The following EYS variants were observed in gnomAD, a reference collection of about 807,000 sequenced individuals.
The protein encoded by EYS is protein eyes shut homolog.
Under a neutral mutation model 282.1 loss-of-function variants are expected in EYS, and 250 were observed. That is an observed-to-expected ratio of 0.89 (90% confidence interval 0.80 to 0.98). EYS has a LOEUF of 0.98. EYS is among the 50% of genes least tolerant of loss of function. The probability of loss-of-function intolerance (pLI) is 0.00; values close to 1 mark genes in which losing one functional copy is unlikely to be tolerated. For missense variants in EYS, 4,016 were observed against 3,709.0 expected, an observed-to-expected ratio of 1.08 and a Z score of -2.15; for synonymous variants, 1,355 against 1,282.9, an observed-to-expected ratio of 1.06 and a Z score of -1.20.
chr6:65,575,811 A>C (rs1364695159), intron 2 of EYS, among the ~76,000 whole-genome samples: 1 of 152,130 alleles, frequency 6.6e-6, no homozygotes, highest in Non-Finnish European at 1.5e-5. Context: ...CACTTTAAAC[A>C]ATTATACACC....
intron 36 of EYS, among the ~76,000 whole-genome samples, chr6:63,820,450 T>C (rs1771293032): frequency 6.6e-6 from 1 of 152,218 alleles, no homozygotes; most frequent in Non-Finnish European, 1.5e-5. Flanking sequence ...TTCAATAGTT[T>C]TAAAAAAATT....
chr6:63,728,226 C>T (rs1413853311), intron 41 of EYS, among the ~76,000 whole-genome samples: 1 of 151,932 alleles, frequency 6.6e-6, no homozygotes, highest in Non-Finnish European at 1.5e-5. Context: ...GTACATGTAG[C>T]CAGACTTTAA....
chr6:65,656,012 T>G (rs1382075123), intron 1 of EYS, among the ~76,000 whole-genome samples: 2 of 151,828 alleles, frequency 1.3e-5, no homozygotes, highest in African/African-American at 4.8e-5. Context: ...ATTTCAGACG[T>G]TTTCATTATT....
chr6:65,538,386 A>G (rs1264058699), intron 2 of EYS, among the ~76,000 whole-genome samples: 5 of 152,170 alleles, frequency 3.3e-5, no homozygotes, highest in Non-Finnish European at 7.4e-5. Flanking sequence ...TATCATACTT[A>G]TGCACAGAAA....
intron 26 of EYS, among the ~76,000 whole-genome samples, chr6:64,580,643 G>T (rs1320619509): frequency 6.6e-6 from 1 of 152,014 alleles, no homozygotes; most frequent in East Asian, 1.9e-4. Flanking sequence ...TCATAAAAAA[G>T]AATAACTCTT....
intron 28 of EYS, among the ~76,000 whole-genome samples, chr6:64,430,418 A>C (rs1774538899): frequency 6.6e-6 from 1 of 152,184 alleles, no homozygotes; most frequent in Non-Finnish European, 1.5e-5. Flanking sequence ...ATGTAATCTG[A>C]CATGCTAAGC....
intron 31 of EYS, among the ~76,000 whole-genome samples, chr6:64,162,524 A>G (rs1169961564): frequency 6.6e-6 from 1 of 152,128 alleles, no homozygotes; most frequent in African/African-American, 2.4e-5. Context: ...AATATCTGGC[A>G]TTATCCCTCT....
chr6:65,096,941 A>G (rs990166097), intron 12 of EYS, among the ~76,000 whole-genome samples: 5 of 150,970 alleles, frequency 3.3e-5, no homozygotes, highest in African/African-American at 1.2e-4. Context: ...GGCCCTATCA[A>G]CATTTCTTGG....
intron 2 of EYS, among the ~76,000 whole-genome samples, chr6:65,498,824 G>A (rs1204142824): frequency 6.6e-6 from 1 of 152,064 alleles, no homozygotes; most frequent in Admixed American, 6.6e-5. Flanking sequence ...ATGTGTCTCA[G>A]TTTTTCATTT....
chr6:65,581,659 C>T (rs114839250), intron 2 of EYS, among the ~76,000 whole-genome samples: 2,071 of 152,088 alleles, frequency 0.014, 35 homozygotes, highest in African/African-American at 0.034. Flanking sequence ...TAACCAAAAT[C>T]CTTGTAATAC....
chr6:65,676,831 A>G (rs1768619020), intron 1 of EYS, among the ~76,000 whole-genome samples: 1 of 151,814 alleles, frequency 6.6e-6, no homozygotes, highest in Non-Finnish European at 1.5e-5. Flanking sequence ...CAAATTCAGT[A>G]GTATCTTAAT....
intron 31 of EYS, among the ~76,000 whole-genome samples, chr6:64,202,718 G>A (rs1765497307): frequency 6.6e-6 from 1 of 152,166 alleles, no homozygotes. Context: ...CATCCTCCAT[G>A]AGAGTAGGCC....
chr6:64,459,548 C>T (rs1454487852), intron 26 of EYS, among the ~76,000 whole-genome samples: 1 of 152,288 alleles, frequency 6.6e-6, no homozygotes, highest in Non-Finnish European at 1.5e-5. Context: ...AGTCCCCAAA[C>T]CACAAAAGTA....
rs1770717237 is a variant in EYS, at chr6:63,799,009, A to ATATATATATG, written c.7411+7180_7411+7181insCATATATATA. On this transcript the variant is annotated intron_variant, in intron 37 of 42. Coordinates refer to ENST00000503581, the MANE Select transcript of EYS (RefSeq NM_001142800.2). ...TGTGTATATATATATATATATATAT[A>ATATATATATG]TATATATATATAATTTTTTTTTTTG... 3.8e-5 allele frequency among the ~76,000 whole-genome samples: 5 copies of ATATATATATG among 131,962 alleles called. No homozygotes were observed. In the Admixed American group the frequency reaches 3.8e-4, roughly 10 times the overall value. The allele number at this position is 131,962 out of a possible 152,430, so 86.6% of individuals were successfully genotyped here.
intron 35 of EYS, among the ~76,000 whole-genome samples, chr6:63,929,557 C>A (rs956321982): frequency 1.3e-5 from 2 of 152,192 alleles, no homozygotes; most frequent in African/African-American, 2.4e-5. Flanking sequence ...TTTAGCATGG[C>A]TTGAAATCTT....
chr6:64,633,073 TTTTAA>T (rs1465204690), intron 22 of EYS, among the ~76,000 whole-genome samples: 3 of 152,170 alleles, frequency 2.0e-5, no homozygotes, highest in Admixed American at 6.5e-5. Context: ...TTGAAGGTCA[TTTTAA>T]TTTAACATTT....
chr6:63,739,179 A>G (rs1487761271), intron 41 of EYS, among the ~76,000 whole-genome samples: 1 of 152,116 alleles, frequency 6.6e-6, no homozygotes, highest in Non-Finnish European at 1.5e-5. Context: ...TTGGCCAGCT[A>G]GAGCTCCTTC....
chr6:64,369,723 C>T (rs934156508), intron 29 of EYS, among the ~76,000 whole-genome samples: 2 of 151,828 alleles, frequency 1.3e-5, no homozygotes, highest in African/African-American at 4.8e-5. Flanking sequence ...CCAAGAAAAT[C>T]CCATAGTCTT....
chr6:65,313,027 G>A (rs2350689), intron 11 of EYS, among the ~76,000 whole-genome samples: 3 of 152,026 alleles, frequency 2.0e-5, no homozygotes, highest in Non-Finnish European at 4.4e-5. Context: ...CTACTGTTTC[G>A]TGGAACACCA....
Sources: allele counts gnomAD v4.1 joint callset (sites outside exome capture counted in the v4.1 genomes callset), GRCh38; gene constraint gnomAD v4.1.1; transcripts MANE v1.5; gene names NCBI Gene and HGNC (gene_info 2026-07-23, HGNC 2026-07-21).